Variants in PCDHGA1 observed in about 807,000 individuals in gnomAD.
PCDHGA1 encodes protocadherin gamma-A1.
In PCDHGA1, 32 loss-of-function variants were observed where a neutral mutation model predicts 58.0. The observed-to-expected ratio is 0.55, with a 90% CI of 0.42 to 0.74. The LOEUF (loss-of-function observed/expected upper bound fraction) is 0.74, where lower values mean the gene tolerates loss of function less well. PCDHGA1 is among the 30% of genes least tolerant of loss of function. PCDHGA1 has a pLI of 0.00. For missense variants in PCDHGA1, 1,205 were observed against 1,182.3 expected (o/e 1.02, Z -0.28); for synonymous variants, 498 against 501.1 (o/e 0.99, Z 0.08).
rs1224223477 is a variant in PCDHGA1, at chr5:141,356,416, A to T, written c.2421+23311A>T. 31 of 1,603,068 alleles carry T rather than the reference A, an allele frequency of 1.9e-5. No homozygotes were observed. Among genetic ancestry groups the T allele is most frequent in the Non-Finnish European group, 2.6e-5 (31 of 1,173,990 alleles). ...CTATGGAAATTATTATCGGTTGTTG[A>T]CACACAGAACACTGGACAGGGAAGA... On this transcript the variant is annotated intron_variant, in intron 1 of 3. Transcript: ENST00000517417.
At chr5:141,453,865 A>T (rs1048679358) in intron 1 of PCDHGA1, among the ~76,000 whole-genome samples, 2 of 152,234 alleles carry the variant, frequency 1.3e-5, no homozygotes, top group African/African-American at 4.8e-5. Flanking sequence ...AAAATAACAG[A>T]TGAGCAAAAT....
rs2154594699 is a variant in PCDHGA1 at position 141,512,507 on chromosome 5, C to T, written c.*1334C>T. 6.5e-6 allele frequency: 1 copy of T among 153,048 alleles called. No individual in the cohort carries two copies. Among genetic ancestry groups the T allele is most frequent in the South Asian group, 2.1e-4 (1 of 4,836 alleles). 9.5% of individuals were successfully genotyped at this position (153,048 alleles called of 1,614,324 possible). ...CACTGCCCAGGTCCCCAGTGCGCCCCCTAGTGGCCATAGCCTGGTTAAAGT... is the reference window on the plus strand; with the variant it reads ...CACTGCCCAGGTCCCCAGTGCGCCCTCTAGTGGCCATAGCCTGGTTAAAGT... On this transcript the variant is annotated 3_prime_UTR_variant, in exon 4 of 4. Transcript: ENST00000517417.
intron 1 of PCDHGA1, chr5:141,441,249 TA>T (rs981387539): frequency 6.6e-6 from 1 of 152,206 alleles, no homozygotes; most frequent in Non-Finnish European, 1.5e-5. Context: ...ACAAGATCTT[TA>T]AATCACAAGA....
chr5:141,504,583 A>C (rs1230825472), intron 2 of PCDHGA1, among the ~76,000 whole-genome samples: 5 of 146,622 alleles, frequency 3.4e-5, no homozygotes, highest in Non-Finnish European at 7.4e-5. Context: ...CCATCTGCCC[A>C]GGATTCACAG....
chr5:141,420,336 T>C, intron 1 of PCDHGA1: 1 of 1,399,186 alleles, frequency 7.1e-7, no homozygotes, highest in East Asian at 2.5e-5. Flanking sequence ...TATTCCAATA[T>C]AGTGGTATTA....
intron 1 of PCDHGA1, chr5:141,352,052 G>A: frequency 6.2e-7 from 1 of 1,607,078 alleles, no homozygotes; most frequent in Non-Finnish European, 8.5e-7. Flanking sequence ...AGGACACAAC[G>A]CTTGGCTGTC....
At chr5:141,375,821 C>A (rs1472171329) in intron 1 of PCDHGA1, 6 of 1,614,074 alleles carry the variant, frequency 3.7e-6, no homozygotes, top group Non-Finnish European at 5.1e-6. Flanking sequence ...GCTGGCGCCC[C>A]GCTCCGCAGA....
At chr5:141,423,251 ACCTCGGCAG>A (rs770264100) in intron 1 of PCDHGA1, 3 of 1,613,726 alleles carry the variant, frequency 1.9e-6, no homozygotes, top group African/African-American at 2.7e-5. Flanking sequence ...GTCCTGGCGG[ACCTCGGCAG>A]CCTCGAGTCT....
At chr5:141,361,400 T>A in intron 1 of PCDHGA1, 1 of 1,613,988 alleles carries the variant, frequency 6.2e-7, no homozygotes, top group Non-Finnish European at 8.5e-7. Flanking sequence ...AATCTCACCA[T>A]CACAGCCACC....
chr5:141,485,625 G>C lies in PCDHGA1; in HGVS notation c.2422-9182G>C. On this transcript the variant is annotated intron_variant, in intron 1 of 3. Transcript: ENST00000517417. This position sits in a 1 kb window ranked among gnomAD's most constrained non-coding sequence, Gnocchi z 5.7. ...GGGGAGGCAGCTCCTCCAGGACAGC[G>C]TTTCCCGTTGGAAAAGGCTCAGGAT... The C allele has an allele frequency of 6.2e-7, 1 of 1,611,968 alleles. No individual in the cohort carries two copies. Among genetic ancestry groups the C allele is most frequent in the Non-Finnish European group, 8.5e-7 (1 of 1,178,504 alleles).
At chr5:141,381,743 C>T (rs9324849) in intron 1 of PCDHGA1, among the ~76,000 whole-genome samples, 4,143 of 151,894 alleles carry the variant, frequency 0.027, 183 homozygotes, top group African/African-American at 0.096. Flanking sequence ...ATTTGGATTC[C>T]GACATTGTTC....
chr5:141,410,115 C>T, intron 1 of PCDHGA1: 1 of 1,612,624 alleles, frequency 6.2e-7, no homozygotes. Context: ...AGGGACGCAG[C>T]CCGCCAGCGC....
In PCDHGA1 at chr5:141,476,606, G is replaced by A; in HGVS notation, c.2422-18201G>A. 1 of 1,614,244 alleles carries A rather than the reference G, an allele frequency of 6.2e-7. No homozygotes were observed. Among genetic ancestry groups the A allele is most frequent in the Non-Finnish European group, 8.5e-7 (1 of 1,180,046 alleles). Reference sequence around the variant, plus strand: ...GCTCGAGAGCGCGCACGATCCCGATGTGGGAAGCAACTCTTTACAAACCTA... The same window carrying A: ...GCTCGAGAGCGCGCACGATCCCGATATGGGAAGCAACTCTTTACAAACCTA... On this transcript the variant is annotated intron_variant, in intron 1 of 3. Transcript: ENST00000517417. The surrounding 1 kb of genome is among the most constrained non-coding windows in gnomAD (Gnocchi z 7.6).
At chr5:141,341,394 A>G (rs759385100) in intron 1 of PCDHGA1, 2 of 1,614,212 alleles carry the variant, frequency 1.2e-6, no homozygotes, top group Non-Finnish European at 1.7e-6. Context: ...ACGTTTTCTC[A>G]GGTAATCTAT....
intron 1 of PCDHGA1, among the ~76,000 whole-genome samples, chr5:141,337,110 T>TAAAAGAAAAG (rs56061801): frequency 8.6e-5 from 13 of 150,892 alleles, no homozygotes; most frequent in South Asian, 2.1e-4. Context: ...ATTGCTGTCA[T>TAAAAGAAAAG]AAAAGAAAAG....
At chr5:141,457,469 AG>A (rs1170841505) in intron 1 of PCDHGA1, among the ~76,000 whole-genome samples, 1 of 152,226 alleles carries the variant, frequency 6.6e-6, no homozygotes, top group Non-Finnish European at 1.5e-5. Context: ...CACAGGAATA[AG>A]CAGGGCCAGG....
Position 141,476,682 on chromosome 5 carries a change from A to G in PCDHGA1, c.2422-18125A>G, listed in dbSNP as rs987205396. The G allele has an allele frequency of 6.2e-7, 1 of 1,614,072 alleles. No individual in the cohort carries two copies. Among genetic ancestry groups the G allele is most frequent in the African/African-American group, 1.3e-5 (1 of 74,934 alleles). ...GCGCTTCGCGTGCAGACGCGGGAGG[A>G]CAGCACCAAGTACGCGGAGCTGGTG... On this transcript the variant is annotated intron_variant, in intron 1 of 3. Coordinates refer to ENST00000517417, the MANE Select transcript of PCDHGA1 (RefSeq NM_018912.3). The surrounding 1 kb of genome is among the most constrained non-coding windows in gnomAD (Gnocchi z 7.6).
intron 1 of PCDHGA1, chr5:141,419,183 A>G (rs1453963573): frequency 1.9e-6 from 3 of 1,613,958 alleles, no homozygotes; most frequent in Non-Finnish European, 1.7e-6. Context: ...AACCCTGCAC[A>G]TTACTGACGT....
At chr5:141,398,006 A>G in intron 1 of PCDHGA1, 1 of 1,396,152 alleles carries the variant, frequency 7.2e-7, no homozygotes. Context: ...TCGGAAAAAG[A>G]ATCGTTTCCT....
Sources: gnomAD v4.1 joint callset for allele counts (sites outside exome capture counted in the v4.1 genomes callset) on GRCh38, gnomAD v4.1.1 for gene constraint, Gnocchi (gnomAD v3.1) non-coding constraint, MANE v1.5 for transcripts, NCBI Gene and HGNC (gene_info 2026-07-23, HGNC 2026-07-21) for gene names.